Variants in IKZF3 observed in about 807,000 individuals in gnomAD.
The protein encoded by IKZF3 is zinc finger protein Aiolos.
IKZF3 carries 10 observed loss-of-function variants against 49.0 expected under a neutral mutation model. That is an observed-to-expected ratio of 0.20 (90% CI 0.13 to 0.35). The LOEUF (loss-of-function observed/expected upper bound fraction) is 0.35. IKZF3 is among the 10% of genes least tolerant of loss of function. The pLI is 1.00. For missense variants in IKZF3, 498 were observed against 664.8 expected, an observed-to-expected ratio of 0.75 and a Z score of 2.76; for synonymous variants, 209 against 228.2, an observed-to-expected ratio of 0.92 and a Z score of 0.76.
chr17:39,850,020 T>G lies in IKZF3; in HGVS notation c.7+14100A>C, dbSNP rs568324365. Among the ~76,000 whole-genome samples, 386 of 137,364 alleles carry G rather than the reference T, an allele frequency of 2.8e-3. 6 individuals are homozygous for G. Among genetic ancestry groups the G allele is most frequent in the African/African-American group, 9.6e-3 (349 of 36,478 alleles). 90.1% of individuals were successfully genotyped at this position (137,364 alleles called of 152,430 possible). On this transcript the variant is annotated intron_variant, in intron 1 of 7. Coordinates refer to ENST00000346872, the MANE Select transcript of IKZF3 (RefSeq NM_012481.5). ...CCCAGAAATGGTATTCCTGGGGGTG[T>G]GTGTGTGTGTGTGTATATATATAAT... is the stretch of plus-strand genomic sequence containing the variant.
chr17:39,780,209 C>T (rs2060703743), intron 6 of IKZF3, among the ~76,000 whole-genome samples: 2 of 148,684 alleles, frequency 1.3e-5, no homozygotes, highest in Non-Finnish European at 3.0e-5. Context: ...AGTGCCAGTG[C>T]ACTCCAGCCT....
chr17:39,859,378 AT>A (rs200347729), intron 1 of IKZF3, among the ~76,000 whole-genome samples: 9,204 of 141,096 alleles, frequency 0.065, 399 homozygotes, highest in African/African-American at 0.14. Flanking sequence ...CATCCTTATG[AT>A]TTTTTTTTTT....
chr17:39,778,801 C>A (rs2060655522), intron 6 of IKZF3, among the ~76,000 whole-genome samples: 1 of 152,264 alleles, frequency 6.6e-6, no homozygotes, highest in African/African-American at 2.4e-5. Flanking sequence ...AATTCCGTCT[C>A]AAAAAACAAA....
intron 3 of IKZF3, among the ~76,000 whole-genome samples, chr17:39,825,566 G>A (rs1386212085): frequency 6.6e-6 from 1 of 152,164 alleles, no homozygotes; most frequent in Non-Finnish European, 1.5e-5. Flanking sequence ...ATCTGGCCCT[G>A]GGATGACTTA....
chr17:39,766,465 G>A lies in IKZF3; in HGVS notation c.855C>T (p.Asn285=). ...IGEKRHCFDV[N]YNSSYMYEKE... ...TCTCATACATGTAACTTGAATTATA[G>A]TTGACATCAAAGCAGTGGCGCTTCT... is the stretch of plus-strand genomic sequence containing the variant. Residue 285 remains asparagine, a synonymous_variant, in exon 8 of 8, where the codon AAC becomes AAT. Transcript: ENST00000346872. 2 of 1,612,756 alleles carry A rather than the reference G, an allele frequency of 1.2e-6. No individual in the cohort carries two copies.
At chr17:39,800,576 AAG>A (rs1009435783) in intron 3 of IKZF3, among the ~76,000 whole-genome samples, 33 of 152,142 alleles carry the variant, frequency 2.2e-4, no homozygotes, top group Admixed American at 2.0e-3. Flanking sequence ...AAACTTTCTA[AAG>A]GAGCTACTCT....
chr17:39,796,452 G>T (rs2061163871), intron 3 of IKZF3, among the ~76,000 whole-genome samples: 2 of 151,836 alleles, frequency 1.3e-5, no homozygotes, highest in Admixed American at 1.3e-4. Context: ...AGGCTCTCTA[G>T]GTGCCAACTC....
At chr17:39,815,323 T>C (rs1055402816) in intron 3 of IKZF3, among the ~76,000 whole-genome samples, 2 of 152,216 alleles carry the variant, frequency 1.3e-5, no homozygotes, top group Admixed American at 6.5e-5. Context: ...AAGCACCTAA[T>C]TACATTCTCT....
chr17:39,792,622 G>A (rs1466356165), intron 4 of IKZF3, 51 bp downstream of exon 4: 5 of 1,557,420 alleles, frequency 3.2e-6, no homozygotes, highest in East Asian at 2.3e-5. Context: ...CATTTCTCAC[G>A]TGGCTGCATT....
intron 1 of IKZF3, among the ~76,000 whole-genome samples, chr17:39,853,228 A>G (rs1312166765): frequency 6.6e-6 from 1 of 152,036 alleles, no homozygotes; most frequent in Non-Finnish European, 1.5e-5. Context: ...CTTTTTTACC[A>G]CTGTATTGCC....
intron 6 of IKZF3, among the ~76,000 whole-genome samples, chr17:39,781,384 G>A (rs2060737193): frequency 1.3e-5 from 2 of 152,060 alleles, no homozygotes; most frequent in Non-Finnish European, 2.9e-5. Context: ...GCAATTTTGA[G>A]AAGATTAAAT....
chr17:39,853,292 A>G (rs536878451), intron 1 of IKZF3, among the ~76,000 whole-genome samples: 1 of 152,342 alleles, frequency 6.6e-6, no homozygotes, highest in African/African-American at 2.4e-5. Context: ...TTTTAGAACG[A>G]AGAATGAAGA....
At chr17:39,788,694 CT>C (rs1290506184) in intron 5 of IKZF3, among the ~76,000 whole-genome samples, 1 of 152,064 alleles carries the variant, frequency 6.6e-6, no homozygotes, top group Non-Finnish European at 1.5e-5. Flanking sequence ...AAATAGGGCC[CT>C]TTTATTCTTC....
chr17:39,777,150 A>G (rs2060610783), intron 7 of IKZF3, among the ~76,000 whole-genome samples: 1 of 152,252 alleles, frequency 6.6e-6, no homozygotes, highest in Admixed American at 6.5e-5. Flanking sequence ...ACAAATGATT[A>G]AATCAAACCT....
intron 1 of IKZF3, among the ~76,000 whole-genome samples, chr17:39,843,058 G>A (rs1015497795): frequency 1.3e-5 from 2 of 152,156 alleles, no homozygotes; most frequent in Non-Finnish European, 2.9e-5. Context: ...AAAGTTTCAA[G>A]GTCATGAAAG....
At chr17:39,835,949 A>T (rs2144347190) in intron 1 of IKZF3, 1 of 643,620 alleles carries the variant, frequency 1.6e-6, no homozygotes, top group Non-Finnish European at 2.9e-6. Context: ...CCTGGCCTAG[A>T]GTGTCCAGCT....
At chr17:39,823,527 A>G (rs12940616) in intron 3 of IKZF3, among the ~76,000 whole-genome samples, 8,681 of 152,250 alleles carry the variant, frequency 0.057, 380 homozygotes, top group African/African-American at 0.12. Context: ...AATGGCTCCA[A>G]GGCATATCAG....
intron 3 of IKZF3, 99 bp from the exon 4 acceptor site, chr17:39,793,032 T>C: frequency 8.3e-7 from 1 of 1,200,850 alleles, no homozygotes; most frequent in Admixed American, 2.1e-5. Flanking sequence ...TAAATACCAA[T>C]CGAAGCTAAC....
At chr17:39,849,891 AAGT>A (rs1219559368) in intron 1 of IKZF3, among the ~76,000 whole-genome samples, 2 of 151,736 alleles carry the variant, frequency 1.3e-5, no homozygotes, top group Non-Finnish European at 2.9e-5. Flanking sequence ...GATGTGGAAC[AAGT>A]ATAACTCTCA....
Sources: allele counts gnomAD v4.1 joint callset (sites outside exome capture counted in the v4.1 genomes callset), GRCh38; gene constraint gnomAD v4.1.1; transcripts MANE v1.5; gene names NCBI Gene and HGNC (gene_info 2026-07-23, HGNC 2026-07-21).